OPRD1: variants seen among roughly 807,000 people sequenced by gnomAD.
OPRD1 encodes the protein delta-type opioid receptor.
OPRD1 carries 19 observed loss-of-function variants against 17.5 expected under a neutral mutation model. The observed-to-expected ratio is 1.09, with a 90% CI of 0.76 to 1.60. The LOEUF (loss-of-function observed/expected upper bound fraction) is 1.60, where lower values mean the gene tolerates loss of function less well. Ranked by LOEUF, OPRD1 falls within the 40% of genes most tolerant of loss-of-function variation. The pLI is 0.00. For synonymous variants in OPRD1, 256 were observed against 240.9 expected (o/e 1.06, Z -0.58); for missense variants, 483 against 547.2 (o/e 0.88, Z 1.17).
chr1:28,853,422 A>T (rs2089025139), intron 1 of OPRD1, among the ~76,000 whole-genome samples: 1 of 152,122 alleles, frequency 6.6e-6, no homozygotes, highest in Admixed American at 6.5e-5. Flanking sequence ...CACTGAATGG[A>T]CTCTGTGAGA....
chr1:28,856,818 G>T lies in OPRD1; in HGVS notation c.228-2136G>T, dbSNP rs571140654. 2.6e-5 allele frequency among the ~76,000 whole-genome samples: 4 copies of T among 152,314 alleles called. No homozygotes were observed. In the South Asian group the frequency reaches 8.3e-4, roughly 32 times the overall value. On this transcript the variant is annotated intron_variant, in intron 1 of 2. Coordinates refer to ENST00000234961, the MANE Select transcript of OPRD1 (RefSeq NM_000911.4). ...TGCAGAGTTTGGCTATAGACATCTG[G>T]CCTGGACCCCTGGGCTCATGCCTTG... is the stretch of plus-strand genomic sequence containing the variant.
intron 1 of OPRD1, among the ~76,000 whole-genome samples, chr1:28,817,004 T>C (rs72887701): frequency 0.081 from 12,303 of 152,190 alleles, 678 homozygotes; most frequent in African/African-American, 0.15. Flanking sequence ...CCTTCTCTGT[T>C]TCCCTGCCTC....
intron 2 of OPRD1, among the ~76,000 whole-genome samples, chr1:28,860,706 C>T (rs2089106877): frequency 6.6e-6 from 1 of 152,170 alleles, no homozygotes; most frequent in Non-Finnish European, 1.5e-5. Context: ...GGTCACACAG[C>T]CAGGCATTTT....
At position 28,866,576 on chromosome 1, in the gene OPRD1, A is replaced by G. The variant is rs1367911152; in HGVS notation, c.*3293A>G. The stretch of plus-strand genomic sequence containing the variant: ...AGCTGAGGCTGAGAGAGGTCAGGCT[A>G]CTTGCTCCTAAGTCACAGGGCCTGT... On this transcript the variant is annotated 3_prime_UTR_variant, in exon 3 of 3. Coordinates refer to ENST00000234961, the MANE Select transcript of OPRD1 (RefSeq NM_000911.4). 6.6e-6 allele frequency: 1 copy of G among 152,162 alleles called. No homozygotes were observed. The highest frequency in any genetic ancestry group is 2.4e-5 in the African/African-American group (1 of 41,438). The allele number at this position is 152,162 out of a possible 1,614,324, so 9.4% of individuals were successfully genotyped here.
chr1:28,830,000 C>A (rs1557571306), intron 1 of OPRD1, among the ~76,000 whole-genome samples: 1 of 152,108 alleles, frequency 6.6e-6, no homozygotes, highest in African/African-American at 2.4e-5. Context: ...TGAGCCACTG[C>A]ACCTGGCCCT....
rs1056852286 is a variant in OPRD1, at chr1:28,853,807, C to T, written c.228-5147C>T. ...AGTCGCCCAGGCTGGAGTGCAGTGGCGCAATCTCACTGCAGCCTCTGCCTC... is the reference window on the plus strand; with the variant it reads ...AGTCGCCCAGGCTGGAGTGCAGTGGTGCAATCTCACTGCAGCCTCTGCCTC... On this transcript the variant is annotated intron_variant, in intron 1 of 2. Coordinates refer to ENST00000234961, the MANE Select transcript of OPRD1 (RefSeq NM_000911.4). 2.5e-4 allele frequency among the ~76,000 whole-genome samples: 37 copies of T among 149,956 alleles called. 1 individual carries two copies. The highest frequency in any genetic ancestry group is 1.5e-3 in the Admixed American group (23 of 14,924).
Position 28,842,467 on chromosome 1 carries a change from G to C in OPRD1, c.228-16487G>C, listed in dbSNP as rs150887802. On this transcript the variant is annotated intron_variant, in intron 1 of 2. Transcript: ENST00000234961. ...GAAGCCCAGCTCTCCAGAGGCCCAG[G>C]AACAAGTGTGGATTGAATGTGGCCT... is the stretch of plus-strand genomic sequence containing the variant. 1.7e-3 allele frequency among the ~76,000 whole-genome samples: 252 copies of C among 152,350 alleles called. 3 individuals carry two copies. Among genetic ancestry groups the C allele is most frequent in the African/African-American group, 5.9e-3 (246 of 41,580 alleles).
chr1:28,835,282 A>T (rs7543079), intron 1 of OPRD1, among the ~76,000 whole-genome samples: 1 of 152,052 alleles, frequency 6.6e-6, no homozygotes, highest in Admixed American at 6.5e-5. Flanking sequence ...CCTGGCTGCC[A>T]TGAGTGTGTT....
At chr1:28,856,807 A>G (rs542942170) in intron 1 of OPRD1, among the ~76,000 whole-genome samples, 1 of 152,322 alleles carries the variant, frequency 6.6e-6, no homozygotes, top group South Asian at 2.1e-4. Flanking sequence ...GAGTTTGGCT[A>G]TAGACATCTG....
intron 1 of OPRD1, among the ~76,000 whole-genome samples, chr1:28,857,720 C>A (rs1252838610): frequency 1.3e-5 from 2 of 152,180 alleles, no homozygotes; most frequent in Non-Finnish European, 2.9e-5. Context: ...TAGGCTCAAG[C>A]AATCCACCTG....
rs1254117457 is a variant in OPRD1, at chr1:28,869,938, CT to C, written c.*6656del. The C allele has an allele frequency of 1.3e-5, 2 of 152,248 alleles. No homozygotes were observed. The highest frequency in any genetic ancestry group is 4.8e-5 in the African/African-American group (2 of 41,468). 9.4% of individuals were successfully genotyped at this position (152,248 alleles called of 1,614,324 possible). On this transcript the variant is annotated 3_prime_UTR_variant, in exon 3 of 3. Coordinates refer to ENST00000234961, the MANE Select transcript of OPRD1 (RefSeq NM_000911.4). Reference sequence around the variant, plus strand: ...GCTTGTTTGATAATTTTCTGACTGACTGCCATGTTGTTGCCTTGTGACCTTG... The same window carrying C: ...GCTTGTTTGATAATTTTCTGACTGACGCCATGTTGTTGCCTTGTGACCTTG...
At chr1:28,838,084 A>G (rs1302064785) in intron 1 of OPRD1, among the ~76,000 whole-genome samples, 2 of 151,890 alleles carry the variant, frequency 1.3e-5, no homozygotes, top group Non-Finnish European at 2.9e-5. Flanking sequence ...ATGTCATAGT[A>G]GCATTCGATA....
At position 28,866,380 on chromosome 1, in the gene OPRD1, G is replaced by A. The variant is rs1488919438; in HGVS notation, c.*3097G>A. On this transcript the variant is annotated 3_prime_UTR_variant, in exon 3 of 3. Coordinates refer to ENST00000234961, the MANE Select transcript of OPRD1 (RefSeq NM_000911.4). ...GAAATAGCGTGTGCGGAGGCATGGG[G>A]ATGTTTAAATGCTTGGCAAACCCAA... 2 of 152,312 alleles carry A rather than the reference G, an allele frequency of 1.3e-5. No homozygotes were observed. Among genetic ancestry groups the A allele is most frequent in the African/African-American group, 4.8e-5 (2 of 41,472 alleles). 9.4% of individuals were successfully genotyped at this position (152,312 alleles called of 1,614,324 possible).
At chr1:28,831,508 CAAA>C (rs11287279) in intron 1 of OPRD1, among the ~76,000 whole-genome samples, 14 of 136,394 alleles carry the variant, frequency 1.0e-4, no homozygotes, top group Non-Finnish European at 1.1e-4. Flanking sequence ...GACTCCGTCT[CAAA>C]AAAAAAAAAA....
At chr1:28,841,678 CATTT>C (rs1425003954) in intron 1 of OPRD1, among the ~76,000 whole-genome samples, 6 of 151,818 alleles carry the variant, frequency 4.0e-5, no homozygotes, top group African/African-American at 1.2e-4. Flanking sequence ...GGGCACTGGG[CATTT>C]ATTTATTTAT....
At chr1:28,850,189 A>G (rs990857436) in intron 1 of OPRD1, among the ~76,000 whole-genome samples, 1 of 146,850 alleles carries the variant, frequency 6.8e-6, no homozygotes, top group Non-Finnish European at 1.5e-5. Flanking sequence ...TGAGAGTCAA[A>G]CTTTTTAAAA....
intron 2 of OPRD1, among the ~76,000 whole-genome samples, chr1:28,861,937 A>G (rs1240689414): frequency 2.4e-5 from 3 of 125,286 alleles, no homozygotes; most frequent in African/African-American, 6.4e-5. Flanking sequence ...TTTGAGACGG[A>G]GTCTCGCTCT....
intron 1 of OPRD1, among the ~76,000 whole-genome samples, chr1:28,842,510 AC>A (rs1476751870): frequency 6.6e-6 from 1 of 152,238 alleles, no homozygotes; most frequent in African/African-American, 2.4e-5. Context: ...CCAGGGTACA[AC>A]CAGTCTCCAT....
intron 2 of OPRD1, among the ~76,000 whole-genome samples, chr1:28,860,632 AG>A (rs1179990635): frequency 1.3e-5 from 2 of 152,224 alleles, no homozygotes; most frequent in Admixed American, 6.5e-5. Context: ...TAGACAAGGC[AG>A]GGACTCCTAC....
Sources: gnomAD v4.1 joint callset for allele counts (sites outside exome capture counted in the v4.1 genomes callset) on GRCh38, gnomAD v4.1.1 for gene constraint, MANE v1.5 for transcripts, NCBI Gene and HGNC (gene_info 2026-07-23, HGNC 2026-07-21) for gene names.